LRRC28: variants seen among roughly 807,000 people sequenced by gnomAD.
The protein encoded by LRRC28 is leucine-rich repeat-containing protein 28.
Under a neutral mutation model 45.7 loss-of-function variants are expected in LRRC28, and 39 were observed. The ratio of observed to expected loss-of-function variants is 0.85; its 90% CI spans 0.66 to 1.12. The LOEUF (loss-of-function observed/expected upper bound fraction) is 1.12. Ranked by LOEUF, LRRC28 falls within the 50% of genes most tolerant of loss-of-function variation. The probability of loss-of-function intolerance (pLI) is 0.00; values close to 1 mark genes in which losing one functional copy is unlikely to be tolerated. For missense variants in LRRC28, 435 were observed against 438.5 expected (o/e 0.99, Z 0.07); for synonymous variants, 206 against 178.8 (o/e 1.15, Z -1.22).
intron 3 of LRRC28, among the ~76,000 whole-genome samples, chr15:99,286,431 A>G (rs1445382669): frequency 6.6e-6 from 1 of 152,216 alleles, no homozygotes. Flanking sequence ...GCGCCCGGCC[A>G]TAAAGATTTA....
chr15:99,263,849 C>T (rs916564005), intron 2 of LRRC28, among the ~76,000 whole-genome samples: 13 of 150,756 alleles, frequency 8.6e-5, no homozygotes, highest in African/African-American at 2.0e-4. Context: ...ATAGATACAT[C>T]ATGGAACAGC....
intron 3 of LRRC28, among the ~76,000 whole-genome samples, 189 bp downstream of exon 3, chr15:99,276,805 T>C (rs2081629480): frequency 6.6e-6 from 1 of 152,192 alleles, no homozygotes; most frequent in South Asian, 2.1e-4. Flanking sequence ...CCATTTAAAA[T>C]TGTATTTTAA....
intron 6 of LRRC28, among the ~76,000 whole-genome samples, chr15:99,343,443 GCAAA>G (rs753472596): frequency 7.2e-5 from 11 of 152,098 alleles, no homozygotes; most frequent in South Asian, 2.1e-4. Flanking sequence ...GAGGTTATAA[GCAAA>G]CAAACAAACA....
chr15:99,314,565 C>T, intron 5 of LRRC28, among the ~76,000 whole-genome samples: 1 of 152,154 alleles, frequency 6.6e-6, no homozygotes, highest in East Asian at 1.9e-4. Context: ...TTCTCTGGCA[C>T]TTCTATTCTA....
At chr15:99,260,762 T>C (rs2081173836) in intron 2 of LRRC28, among the ~76,000 whole-genome samples, 1 of 152,236 alleles carries the variant, frequency 6.6e-6, no homozygotes, top group South Asian at 2.1e-4. Flanking sequence ...TGGAATTTTA[T>C]TTACAACTGC....
chr15:99,258,278 C>G (rs1354855571), intron 2 of LRRC28: 1 of 1,554,446 alleles, frequency 6.4e-7, no homozygotes, highest in South Asian at 1.1e-5. Context: ...CAACGATACC[C>G]AGTACATCTG....
At chr15:99,258,180 C>T in intron 2 of LRRC28, 1 of 1,612,342 alleles carries the variant, frequency 6.2e-7, no homozygotes, top group Non-Finnish European at 8.5e-7. Context: ...GATGGCCAGT[C>T]AACTTCTGAA....
chr15:99,371,045 G>T (rs1957470223), intron 9 of LRRC28, among the ~76,000 whole-genome samples: 2 of 152,188 alleles, frequency 1.3e-5, no homozygotes, highest in African/African-American at 2.4e-5. Context: ...GACAGAGGTT[G>T]CAGTGAGCTG....
intron 5 of LRRC28, among the ~76,000 whole-genome samples, chr15:99,304,310 G>A (rs941765232): frequency 6.6e-6 from 1 of 152,106 alleles, no homozygotes. Context: ...TCAGATATAT[G>A]ATTTGCAAAT....
chr15:99,302,712 G>C (rs747979241), intron 5 of LRRC28, among the ~76,000 whole-genome samples: 1 of 152,196 alleles, frequency 6.6e-6, no homozygotes, highest in Non-Finnish European at 1.5e-5. Context: ...CCTGGTGCCT[G>C]TTTATTGCTA....
Position 99,386,373 on chromosome 15 carries a change from C to T in LRRC28, c.*271C>T, listed in dbSNP as rs553536689. Reference sequence around the variant, plus strand: ...AACCATTTAGATTGATGGGCCTCCCCAAATCTAATTTAAAGCAAGTTTCCG... The same window carrying T: ...AACCATTTAGATTGATGGGCCTCCCTAAATCTAATTTAAAGCAAGTTTCCG... On this transcript the variant is annotated 3_prime_UTR_variant, in exon 10 of 10. Transcript: ENST00000301981. 218 of 351,146 alleles carry T rather than the reference C, an allele frequency of 6.2e-4. No individual in the cohort carries two copies. The highest frequency in any genetic ancestry group is 4.4e-3 in the African/African-American group (211 of 48,204). 21.8% of individuals were successfully genotyped at this position (351,146 alleles called of 1,614,324 possible). A position where few individuals can be genotyped will look rare whatever the true frequency, so the allele number is the denominator to read the frequency against.
chr15:99,268,062 A>C (rs376180421), intron 2 of LRRC28, among the ~76,000 whole-genome samples: 1 of 152,158 alleles, frequency 6.6e-6, no homozygotes, highest in African/African-American at 2.4e-5. Context: ...AAGGTCTCCT[A>C]ATTTGTGGTC....
intron 5 of LRRC28, among the ~76,000 whole-genome samples, chr15:99,322,779 G>A (rs1955843218): frequency 6.6e-6 from 1 of 152,118 alleles, no homozygotes; most frequent in Non-Finnish European, 1.5e-5. Context: ...CAGAGCTAAG[G>A]CATGTTGTTG....
rs149214118 is a variant in LRRC28 at position 99,299,924 on chromosome 15, C to T, written c.385+11973C>T. ...CTCAAAAAATGAGTATCTTTATATG[C>T]TTATAACAAATATCACTAGTTGTTT... On this transcript the variant is annotated intron_variant, in intron 5 of 9. Coordinates refer to ENST00000301981, the MANE Select transcript of LRRC28 (RefSeq NM_144598.5). Among the ~76,000 whole-genome samples the T allele has an allele frequency of 2.7e-3, 408 of 152,244 alleles. 4 individuals carry two copies. The highest frequency in any genetic ancestry group is 9.1e-3 in the African/African-American group (379 of 41,558).
chr15:99,326,939 T>C (rs1955999928), intron 5 of LRRC28, among the ~76,000 whole-genome samples: 1 of 152,210 alleles, frequency 6.6e-6, no homozygotes, highest in Admixed American at 6.6e-5. Flanking sequence ...TCTGAGACAG[T>C]TTGTGAACAA....
At chr15:99,261,058 C>A (rs1366636073) in intron 2 of LRRC28, among the ~76,000 whole-genome samples, 1 of 152,206 alleles carries the variant, frequency 6.6e-6, no homozygotes, top group Non-Finnish European at 1.5e-5. Flanking sequence ...TAATACTCAA[C>A]CTCTACTCTT....
intron 3 of LRRC28, chr15:99,285,171 C>A: frequency 1.4e-6 from 1 of 725,676 alleles, no homozygotes; most frequent in South Asian, 1.3e-5. Context: ...CTCAGTCAGT[C>A]ATGATTTCAA....
chr15:99,276,076 C>T (rs2081609775), intron 2 of LRRC28, among the ~76,000 whole-genome samples: 1 of 151,894 alleles, frequency 6.6e-6, no homozygotes, highest in Non-Finnish European at 1.5e-5. Context: ...CTAGTTTGTG[C>T]ACTTGTTATG....
At chr15:99,252,191 C>G (rs2080835335) in intron 1 of LRRC28, among the ~76,000 whole-genome samples, 1 of 152,136 alleles carries the variant, frequency 6.6e-6, no homozygotes, top group African/African-American at 2.4e-5. Context: ...TATAACTATA[C>G]AAGAGGTAGT....
Sources: allele counts gnomAD v4.1 joint callset (sites outside exome capture counted in the v4.1 genomes callset), GRCh38; gene constraint gnomAD v4.1.1; transcripts MANE v1.5; gene names NCBI Gene and HGNC (gene_info 2026-07-23, HGNC 2026-07-21).